Variants in TNFRSF8 observed in about 807,000 individuals in gnomAD.
TNFRSF8 encodes TNF receptor superfamily member 8, also known as tumor necrosis factor receptor superfamily member 8.
In TNFRSF8, 26 loss-of-function variants were observed where a neutral mutation model predicts 70.8. That is an observed-to-expected ratio of 0.37 (90% CI 0.27 to 0.51). The LOEUF (loss-of-function observed/expected upper bound fraction) is 0.51, where lower values mean the gene tolerates loss of function less well. Ranked by LOEUF, TNFRSF8 falls within the 20% of genes least tolerant of loss-of-function variation. The probability of loss-of-function intolerance (pLI) is 0.94; values close to 1 mark genes in which losing one functional copy is unlikely to be tolerated. For missense variants in TNFRSF8, 720 were observed against 807.9 expected (o/e 0.89, Z 1.32); for synonymous variants, 356 against 339.2 (o/e 1.05, Z -0.54).
intron 8 of TNFRSF8, among the ~76,000 whole-genome samples, chr1:12,122,420 G>A (rs938884377): frequency 6.6e-6 from 1 of 151,878 alleles, no homozygotes; most frequent in Non-Finnish European, 1.5e-5. Context: ...GCTGAGGTGG[G>A]CGGATCACTT....
chr1:12,074,570 A>G (rs995051817), intron 1 of TNFRSF8, among the ~76,000 whole-genome samples: 3 of 152,098 alleles, frequency 2.0e-5, no homozygotes, highest in Non-Finnish European at 2.9e-5. Context: ...ATGAGCCACC[A>G]GGCCCGGCCT....
chr1:12,087,913 G>A (rs1176124442), intron 2 of TNFRSF8, among the ~76,000 whole-genome samples: 4 of 152,080 alleles, frequency 2.6e-5, no homozygotes, highest in African/African-American at 9.7e-5. Flanking sequence ...CCATATTGGT[G>A]TGGTGGGTGG....
intron 12 of TNFRSF8, among the ~76,000 whole-genome samples, chr1:12,131,668 A>AT (rs1389723244): frequency 1.3e-5 from 2 of 151,592 alleles, no homozygotes; most frequent in Non-Finnish European, 2.9e-5. Flanking sequence ...TAACTTTTCT[A>AT]TTTTTTGTAG....
At chr1:12,130,640 C>G (rs772711597) in intron 12 of TNFRSF8, among the ~76,000 whole-genome samples, 4 of 152,180 alleles carry the variant, frequency 2.6e-5, no homozygotes, top group Non-Finnish European at 2.9e-5. Context: ...TGGAAGGGAC[C>G]GAGAGCTTTA....
Position 12,115,503 on chromosome 1 carries a change from TTCCTGGGGGC to T in TNFRSF8, c.794-71_794-62del, listed in dbSNP as rs1641710782. 14 of 1,542,922 alleles carry T rather than the reference TTCCTGGGGGC, an allele frequency of 9.1e-6. No individual in the cohort carries two copies. The South Asian group carries it at 1.6e-4, about 17-fold the overall frequency. On this transcript the variant is annotated intron_variant, in intron 7 of 14. Transcript: ENST00000263932. ...ACCCTTGGACAACTGCTTCTCTGTC[TTCCTGGGGGC>T]TCTCTGGACCCCCTGCCCTTGCCAT...
At chr1:12,129,423 A>G (rs1263050604) in intron 12 of TNFRSF8, among the ~76,000 whole-genome samples, 2 of 152,190 alleles carry the variant, frequency 1.3e-5, no homozygotes, top group Non-Finnish European at 2.9e-5. Context: ...ATGACCCACA[A>G]TGAATTCTCA....
chr1:12,085,910 A>T (rs1018773957), intron 2 of TNFRSF8, among the ~76,000 whole-genome samples: 1 of 152,218 alleles, frequency 6.6e-6, no homozygotes, highest in African/African-American at 2.4e-5. Flanking sequence ...ACCTCCAGGA[A>T]CAGAGATTGT....
chr1:12,109,719 C>T lies in TNFRSF8; in HGVS notation c.512+63C>T, dbSNP rs1268195071. On this transcript the variant is annotated intron_variant, in intron 5 of 14. Transcript: ENST00000263932. The surrounding 1 kb of genome is among the most constrained non-coding windows in gnomAD (Gnocchi z 4.4). ...CTGGCTTTCAGATGAGGCTGCCCCA[C>T]CCCACAGGACGCCCATGGTACAACT... The T allele has an allele frequency of 4.3e-6, 6 of 1,386,224 alleles. No homozygotes were observed. The East Asian group carries it at 6.9e-5, about 16-fold the overall frequency. The allele number at this position is 1,386,224 out of a possible 1,614,324, so 85.9% of individuals were successfully genotyped here.
At chr1:12,075,004 C>A (rs549785810) in intron 1 of TNFRSF8, among the ~76,000 whole-genome samples, 2 of 152,090 alleles carry the variant, frequency 1.3e-5, no homozygotes, top group Non-Finnish European at 2.9e-5. Context: ...TGCCTGTAAT[C>A]CCAGCACTTT....
intron 2 of TNFRSF8, among the ~76,000 whole-genome samples, chr1:12,087,083 AT>A (rs1641165544): frequency 2.4e-5 from 1 of 41,362 alleles, no homozygotes; most frequent in African/African-American, 1.1e-4. Context: ...CTATCCATCC[AT>A]CCATCCATCC....
At chr1:12,103,143 C>T (rs1220891443) in intron 3 of TNFRSF8, among the ~76,000 whole-genome samples, 2 of 152,006 alleles carry the variant, frequency 1.3e-5, no homozygotes, top group Non-Finnish European at 2.9e-5. Flanking sequence ...GCGGGTGGAT[C>T]ACCTGAGGTC....
intron 1 of TNFRSF8, among the ~76,000 whole-genome samples, chr1:12,064,733 T>C (rs2100935197): frequency 6.6e-6 from 1 of 152,276 alleles, no homozygotes; most frequent in Non-Finnish European, 1.5e-5. Context: ...AACTATGCCC[T>C]CTTCCATTTC....
chr1:12,136,854 T>C (rs1427766898), intron 13 of TNFRSF8, among the ~76,000 whole-genome samples: 3 of 149,468 alleles, frequency 2.0e-5, no homozygotes, highest in African/African-American at 7.4e-5. Context: ...ATTTCCACTT[T>C]GAAAAATACT....
chr1:12,101,306 A>C (rs1641418795), intron 3 of TNFRSF8, among the ~76,000 whole-genome samples: 1 of 152,062 alleles, frequency 6.6e-6, no homozygotes, highest in Non-Finnish European at 1.5e-5. Context: ...ATGCGCCTGT[A>C]GTCCCAGCTA....
At chr1:12,084,682 G>A in intron 2 of TNFRSF8, 131 bp downstream of exon 2, 1 of 840,750 alleles carries the variant, frequency 1.2e-6, no homozygotes, top group Non-Finnish European at 1.9e-6. Flanking sequence ...TTTTCTGCAG[G>A]TCATTCCTAG....
rs568179804 is a variant in TNFRSF8, at chr1:12,111,934, G to C, written c.713G>C (p.Gly238Ala). 1 of 1,614,232 alleles carries C rather than the reference G, an allele frequency of 6.2e-7. No individual in the cohort carries two copies. The highest frequency in any genetic ancestry group is 8.5e-7 in the Non-Finnish European group (1 of 1,180,040). ...SPTQPCPEGS[G>A]DCRKQCEPDY... ...ACACAGCCATGCCCAGAGGGGTCTG[G>C]TGATTGCAGAAAGCAGTGTGAGCCC... The change falls in exon 7 of 15, where the codon GGT (glycine) becomes GCT (alanine). Residue 238 changes from glycine to alanine, a missense_variant. Gly to Ala is a moderately conservative substitution (Grantham distance 60, BLOSUM62 0). Coordinates refer to ENST00000263932, the MANE Select transcript of TNFRSF8 (RefSeq NM_001243.5).
chr1:12,135,543 G>GGGGGCC, intron 12 of TNFRSF8, 45 bp from the exon 13 acceptor site: 1 of 1,607,982 alleles, frequency 6.2e-7, no homozygotes, highest in Admixed American at 1.7e-5. Context: ...TGGGGCCGGG[G>GGGGGCC]GCTGCCAGAC....
intron 7 of TNFRSF8, 92 bp from the exon 8 acceptor site, chr1:12,115,485 G>A (rs1011522759): frequency 2.1e-6 from 3 of 1,404,894 alleles, no homozygotes; most frequent in Admixed American, 1.7e-5. Context: ...ATGACCCTTG[G>A]ACAACTGCTT....
rs554009592 is a variant in TNFRSF8 at position 12,078,438 on chromosome 1, C to T, written c.64-6026C>T. ...AATTAGCCAGGTGTGGTGCCAAGCG[C>T]CTGCAGTCCCAGCTACTTGGGAGGC... On this transcript the variant is annotated intron_variant, in intron 1 of 14. Transcript: ENST00000263932. Among the ~76,000 whole-genome samples, 29 of 152,234 alleles carry T rather than the reference C, an allele frequency of 1.9e-4. No homozygotes were observed. The South Asian group carries it at 2.3e-3, about 12-fold the overall frequency.
Sources: gnomAD v4.1 joint callset for allele counts (sites outside exome capture counted in the v4.1 genomes callset) on GRCh38, gnomAD v4.1.1 for gene constraint, Gnocchi (gnomAD v3.1) non-coding constraint, MANE v1.5 for transcripts, NCBI Gene and HGNC (gene_info 2026-07-23, HGNC 2026-07-21) for gene names.